GALNT14: variants seen among roughly 807,000 people sequenced by gnomAD.
The protein encoded by GALNT14 is UDP-GalNAc:polypeptide N-acetylgalactosaminyltransferase 14.
A neutral mutation model predicts 77.5 loss-of-function variants in GALNT14; 60 were observed. That is an observed-to-expected ratio of 0.77 (90% CI 0.63 to 0.96). The LOEUF (loss-of-function observed/expected upper bound fraction) is 0.96. Among genes scored for constraint, GALNT14 ranks in the 40% least tolerant of loss-of-function variants. GALNT14 has a pLI of 0.00. For missense variants in GALNT14, 710 were observed against 731.0 expected, an observed-to-expected ratio of 0.97 and a Z score of 0.33; for synonymous variants, 280 against 281.7, an observed-to-expected ratio of 0.99 and a Z score of 0.06.
chr2:31,059,987 C>T (rs1470543537), intron 1 of GALNT14, among the ~76,000 whole-genome samples: 2 of 152,234 alleles, frequency 1.3e-5, no homozygotes, highest in Non-Finnish European at 2.9e-5. Flanking sequence ...TCCCAACTCT[C>T]CTTGAATGTT....
At chr2:31,047,992 G>A (rs551017434) in intron 1 of GALNT14, among the ~76,000 whole-genome samples, 33 of 152,328 alleles carry the variant, frequency 2.2e-4, no homozygotes, top group African/African-American at 6.5e-4. Flanking sequence ...TCGCAGCCAA[G>A]CACCAGTTCC....
chr2:30,948,294 T>C (rs1406481739), intron 6 of GALNT14, among the ~76,000 whole-genome samples: 2 of 152,242 alleles, frequency 1.3e-5, no homozygotes, highest in African/African-American at 4.8e-5. Context: ...TGCCCAAAGA[T>C]ATGTTTGGCC....
In GALNT14 at chr2:31,044,672, C is replaced by T. The variant is rs555088583; in HGVS notation, c.130-51665G>A. Among the ~76,000 whole-genome samples, 37 of 152,092 alleles carry T rather than the reference C, an allele frequency of 2.4e-4. No homozygotes were observed. In the East Asian group the frequency reaches 6.6e-3, roughly 27 times the overall value. ...GTGACTCATGCCTATAATCCCAGCG[C>T]TTTGGGAGGTCGAGGTGGGTGGTTT... On this transcript the variant is annotated intron_variant, in intron 1 of 14. Coordinates refer to ENST00000349752, the MANE Select transcript of GALNT14 (RefSeq NM_024572.4).
intron 1 of GALNT14, among the ~76,000 whole-genome samples, chr2:31,082,594 C>T (rs1407082369): frequency 1.3e-5 from 2 of 152,156 alleles, no homozygotes; most frequent in Admixed American, 1.3e-4. Flanking sequence ...ATAACCTCTG[C>T]CTCTGCTGCC....
Position 31,138,235 on chromosome 2 carries a change from A to G in GALNT14, c.-149T>C. 1.0e-6 allele frequency: 1 copy of G among 957,502 alleles called. No individual in the cohort carries two copies. Among genetic ancestry groups the G allele is most frequent in the Non-Finnish European group, 1.5e-6 (1 of 649,328 alleles). 59.3% of individuals were successfully genotyped at this position (957,502 alleles called of 1,614,324 possible). On this transcript the variant is annotated 5_prime_UTR_variant, in exon 1 of 15. Coordinates refer to ENST00000349752, the MANE Select transcript of GALNT14 (RefSeq NM_024572.4). ...GTTGGAGGGGCGGCAGGATCCTGCA[A>G]GGCGCCCTTCCCGCTTCGAAGAGAA...
chr2:30,997,207 C>T (rs1224208648), intron 1 of GALNT14, among the ~76,000 whole-genome samples: 1 of 152,102 alleles, frequency 6.6e-6, no homozygotes, highest in Non-Finnish European at 1.5e-5. Flanking sequence ...GGTCGGTAGG[C>T]AGAGAAAGAC....
intron 1 of GALNT14, among the ~76,000 whole-genome samples, chr2:31,082,791 G>A (rs1676220341): frequency 6.6e-6 from 1 of 152,126 alleles, no homozygotes; most frequent in Non-Finnish European, 1.5e-5. Context: ...AGGCCGAGGT[G>A]GGTGGATCAT....
chr2:31,077,472 T>C (rs1434574731), intron 1 of GALNT14, among the ~76,000 whole-genome samples: 1 of 152,194 alleles, frequency 6.6e-6, no homozygotes, highest in East Asian at 1.9e-4. Flanking sequence ...CCAGGAAATA[T>C]TTTATCCTCT....
intron 1 of GALNT14, among the ~76,000 whole-genome samples, chr2:31,071,251 TA>T (rs1346569443): frequency 1.3e-5 from 2 of 152,062 alleles, no homozygotes; most frequent in Non-Finnish European, 2.9e-5. Flanking sequence ...CCTGTGGAAA[TA>T]AAAATTTTTT....
chr2:31,041,939 G>C (rs752580768), intron 1 of GALNT14, among the ~76,000 whole-genome samples: 1 of 152,162 alleles, frequency 6.6e-6, no homozygotes, highest in African/African-American at 2.4e-5. Flanking sequence ...TGATGTTTCA[G>C]GCCTGGGTAA....
At chr2:31,085,704 C>T (rs1676395366) in intron 1 of GALNT14, among the ~76,000 whole-genome samples, 1 of 152,252 alleles carries the variant, frequency 6.6e-6, no homozygotes, top group African/African-American at 2.4e-5. Context: ...CCCCTCAGCT[C>T]CTCTGTGCTT....
chr2:31,047,975 C>T (rs1573238781), intron 1 of GALNT14, among the ~76,000 whole-genome samples: 2 of 152,252 alleles, frequency 1.3e-5, no homozygotes, highest in South Asian at 2.1e-4. Flanking sequence ...TCCTCAACAG[C>T]ATCGGCTCGC....
At chr2:30,952,698 C>T (rs1250994349) in intron 6 of GALNT14, among the ~76,000 whole-genome samples, 2 of 146,770 alleles carry the variant, frequency 1.4e-5, no homozygotes, top group Non-Finnish European at 3.0e-5. Flanking sequence ...CAGCATGGCA[C>T]ATGTATACAT....
chr2:31,021,955 G>A (rs1266258816), intron 1 of GALNT14, among the ~76,000 whole-genome samples: 2 of 152,208 alleles, frequency 1.3e-5, no homozygotes, highest in Non-Finnish European at 2.9e-5. Flanking sequence ...CCACCCTGTA[G>A]GGATGTTGTC....
intron 7 of GALNT14, among the ~76,000 whole-genome samples, 171 bp from the exon 8 acceptor site, chr2:30,945,113 G>A (rs1666609361): frequency 6.6e-6 from 1 of 152,232 alleles, no homozygotes; most frequent in African/African-American, 2.4e-5. Flanking sequence ...GGCTGCCAAA[G>A]CGCCGTTCAC....
At chr2:31,034,736 T>C (rs1672607299) in intron 1 of GALNT14, among the ~76,000 whole-genome samples, 1 of 152,220 alleles carries the variant, frequency 6.6e-6, no homozygotes, top group Non-Finnish European at 1.5e-5. Context: ...TAGCCTTAAG[T>C]TTCCCTTTAA....
At chr2:31,066,460 C>T (rs1674973511) in intron 1 of GALNT14, among the ~76,000 whole-genome samples, 1 of 152,048 alleles carries the variant, frequency 6.6e-6, no homozygotes, top group South Asian at 2.1e-4. Flanking sequence ...TCTGGGTTTG[C>T]TCGTGAAAAA....
intron 1 of GALNT14, among the ~76,000 whole-genome samples, chr2:31,016,161 C>T (rs768423960): frequency 2.6e-5 from 4 of 152,148 alleles, no homozygotes; most frequent in South Asian, 2.1e-4. Context: ...GATCAACGTG[C>T]GAACAGGGTT....
intron 1 of GALNT14, among the ~76,000 whole-genome samples, chr2:31,047,398 C>T (rs1166079726): frequency 3.3e-5 from 5 of 152,172 alleles, no homozygotes; most frequent in Admixed American, 6.5e-5. Flanking sequence ...ATGCTCTCAC[C>T]ATCCTCAGGT....
Sources: allele counts gnomAD v4.1 joint callset (sites outside exome capture counted in the v4.1 genomes callset), GRCh38; gene constraint gnomAD v4.1.1; transcripts MANE v1.5; gene names NCBI Gene and HGNC (gene_info 2026-07-23, HGNC 2026-07-21).